Variants in ABCG1 observed in about 807,000 individuals in gnomAD.
ABCG1 encodes ATP binding cassette subfamily G member 1.
A neutral mutation model predicts 69.2 loss-of-function variants in ABCG1; 29 were observed. The observed-to-expected ratio is 0.42, with a 90% CI of 0.31 to 0.57. The LOEUF is 0.57. ABCG1 is among the 20% of genes least tolerant of loss of function. The pLI is 0.15. For missense variants in ABCG1, 718 were observed against 898.1 expected (o/e 0.80, Z 2.56); for synonymous variants, 370 against 374.8 (o/e 0.99, Z 0.15).
intron 2 of ABCG1, among the ~76,000 whole-genome samples, chr21:42,204,696 G>A (rs1186418228): frequency 6.6e-6 from 1 of 152,182 alleles, no homozygotes; most frequent in Non-Finnish European, 1.5e-5. Context: ...GGTCTGCAGT[G>A]TAGTAGTCTT....
upstream of ABCG1, chr21:42,216,216 T>C (rs1299103747): frequency 2.3e-6 from 1 of 437,398 alleles, no homozygotes; most frequent in Admixed American, 2.4e-5. Context: ...CTTTCCTTTG[T>C]AAATTGCCCA....
chr21:42,275,000 A>G (rs775348653), intron 4 of ABCG1, among the ~76,000 whole-genome samples: 1 of 151,778 alleles, frequency 6.6e-6, no homozygotes, highest in African/African-American at 2.4e-5. Context: ...CTCTCCTGGC[A>G]CCCTAGGGGG....
rs552997933 is a variant in ABCG1 at position 42,227,539 on chromosome 21, T to G, written c.286+1625T>G. Among the ~76,000 whole-genome samples, 20 of 152,274 alleles carry G rather than the reference T, an allele frequency of 1.3e-4. No individual in the cohort carries two copies. The East Asian group carries it at 3.7e-3, about 28-fold the overall frequency. On this transcript the variant is annotated intron_variant, in intron 2 of 14. Transcript: ENST00000398449. ...GGTGTCTTGTAAAATGAAGATGGGT[T>G]GTAATGCAGAAATGAAGACATCTGA...
intron 2 of ABCG1, among the ~76,000 whole-genome samples, chr21:42,248,520 A>AGC (rs1167683106): frequency 6.6e-6 from 1 of 152,168 alleles, no homozygotes; most frequent in Admixed American, 6.5e-5. Context: ...CTTCGACCTG[A>AGC]ATACAGCGCT....
chr21:42,227,839 GGAGA>G (rs147610335), intron 2 of ABCG1, among the ~76,000 whole-genome samples: 1,549 of 150,654 alleles, frequency 0.01, 27 homozygotes, highest in African/African-American at 0.036. Flanking sequence ...TGGGGTGAGG[GGAGA>G]GAGAGAGAGA....
rs1442478823 is a variant in ABCG1 at position 42,291,555 on chromosome 21, G to A, written c.1552G>A (p.Asp518Asn). The stretch of plus-strand genomic sequence containing the variant: ...GTACTGGATGACGTCGCAGCCGTCC[G>A]ACGCCGTGCGCTTTGTGCTGTTTGC... The part of the protein sequence containing the change: ...IVYWMTSQPS[D>N]AVRFVLFAAL... The change falls in exon 13 of 15, where the codon GAC becomes AAC. Residue 518 changes from aspartate to asparagine, a missense_variant. By Grantham distance (23) the Asp-to-Asn change is conservative. Transcript: ENST00000398449. The surrounding 1 kb of genome is among the most constrained non-coding windows in gnomAD (Gnocchi z 6.4). 4 of 1,613,580 alleles carry A rather than the reference G, an allele frequency of 2.5e-6. No homozygotes were observed. The highest frequency in any genetic ancestry group is 3.4e-6 in the Non-Finnish European group (4 of 1,179,902).
Position 42,284,628 on chromosome 21 carries a change from C to A in ABCG1, c.803C>A (p.Ser268Tyr). 1 of 1,614,000 alleles carries A rather than the reference C, an allele frequency of 6.2e-7. No homozygotes were observed. Reference protein sequence around the residue: ...LMKGLAQGGRSIICTIHQPSA... With the variant: ...LMKGLAQGGRYIICTIHQPSA... ...AAAGGGCTCGCTCAAGGGGGTCGCT[C>A]CATCATTTGCACCATCCACCAGCCC... The change falls in exon 7 of 15, where the codon TCC becomes TAC. Residue 268 changes from serine (S) to tyrosine (Y), a missense_variant. Ser to Tyr is a moderately radical substitution (Grantham distance 144). Coordinates refer to ENST00000398449, the MANE Select transcript of ABCG1 (RefSeq NM_016818.3).
At chr21:42,266,056 C>A (rs1002355910) in intron 2 of ABCG1, among the ~76,000 whole-genome samples, 4 of 152,128 alleles carry the variant, frequency 2.6e-5, no homozygotes, top group African/African-American at 9.7e-5. Flanking sequence ...AATCCCAGCA[C>A]TTTGGGAGGC....
chr21:42,242,526 C>G (rs1160892516), intron 2 of ABCG1, among the ~76,000 whole-genome samples: 1 of 152,134 alleles, frequency 6.6e-6, no homozygotes, highest in Non-Finnish European at 1.5e-5. Flanking sequence ...CACAAAAACT[C>G]AAACTGCACA....
chr21:42,219,226 CCG>C lies in ABCG1; in HGVS notation c.-35_-34del. On this transcript the variant is annotated 5_prime_UTR_variant, in exon 1 of 15. Transcript: ENST00000398449. The surrounding 1 kb of genome is among the most constrained non-coding windows in gnomAD (Gnocchi z 5.3). ...CCCCGCAGCTCAAGCCTCGTCCCCG[CCG>C]CCGCCGCCGCCGCCGCCGCCGCCGC... is the stretch of plus-strand genomic sequence containing the variant. The C allele has an allele frequency of 9.3e-7, 1 of 1,078,492 alleles. No individual in the cohort carries two copies. Among genetic ancestry groups the C allele is most frequent in the Non-Finnish European group, 1.2e-6 (1 of 836,780 alleles). 66.8% of individuals were successfully genotyped at this position (1,078,492 alleles called of 1,614,324 possible). A position where few individuals can be genotyped will look rare whatever the true frequency, so the allele number is the denominator to read the frequency against.
chr21:42,260,639 C>T (rs368075220), intron 2 of ABCG1, among the ~76,000 whole-genome samples: 46 of 152,224 alleles, frequency 3.0e-4, no homozygotes, highest in African/African-American at 1.0e-3. Context: ...TCAGTCTTTG[C>T]ACTCAGCCCC....
chr21:42,260,230 G>T (rs1377081248), intron 2 of ABCG1: 1 of 1,533,006 alleles, frequency 6.5e-7, no homozygotes, highest in Non-Finnish European at 8.8e-7. Context: ...CCTGCAGGTG[G>T]CATTGGGCGG....
intron 4 of ABCG1, among the ~76,000 whole-genome samples, chr21:42,274,875 T>C (rs774123947): frequency 1.4e-4 from 21 of 152,128 alleles, no homozygotes; most frequent in Non-Finnish European, 2.9e-4. Flanking sequence ...TAAGAGGAGA[T>C]TGAAAATCAG....
At chr21:42,201,225 C>A (rs2067503679) in intron 1 of ABCG1, among the ~76,000 whole-genome samples, 1 of 152,150 alleles carries the variant, frequency 6.6e-6, no homozygotes, top group African/African-American at 2.4e-5. Flanking sequence ...TATTTGCAGC[C>A]ACTCCCCAGC....
intron 2 of ABCG1, among the ~76,000 whole-genome samples, chr21:42,260,682 A>G (rs1159574425): frequency 6.6e-6 from 1 of 152,130 alleles, no homozygotes; most frequent in Non-Finnish European, 1.5e-5. Flanking sequence ...AAGGAGAGGA[A>G]AATATCCCTT....
At chr21:42,246,234 A>G (rs1221686004) in intron 2 of ABCG1, among the ~76,000 whole-genome samples, 1 of 152,272 alleles carries the variant, frequency 6.6e-6, no homozygotes. Context: ...ACCAGTTTCT[A>G]CAGAGGCTGT....
At chr21:42,275,796 C>G (rs945733823) in intron 4 of ABCG1, among the ~76,000 whole-genome samples, 3 of 152,380 alleles carry the variant, frequency 2.0e-5, no homozygotes, top group Admixed American at 2.0e-4. Flanking sequence ...CATGTTACCA[C>G]TCAAGGTCCT....
chr21:42,280,932 C>T (rs564914023), intron 5 of ABCG1, among the ~76,000 whole-genome samples: 9 of 152,360 alleles, frequency 5.9e-5, no homozygotes, highest in African/African-American at 2.2e-4. Context: ...GACAGCCTTC[C>T]AGAAGCTGTT....
chr21:42,214,018 C>T (rs1225589406), upstream of ABCG1, among the ~76,000 whole-genome samples: 2 of 152,028 alleles, frequency 1.3e-5, no homozygotes, highest in African/African-American at 4.8e-5. Flanking sequence ...GACTTTGGGC[C>T]CTATTGAGAT....
Sources: gnomAD v4.1 joint callset for allele counts (sites outside exome capture counted in the v4.1 genomes callset) on GRCh38, gnomAD v4.1.1 for gene constraint, Gnocchi (gnomAD v3.1) non-coding constraint, MANE v1.5 for transcripts, NCBI Gene and HGNC (gene_info 2026-07-23, HGNC 2026-07-21) for gene names.